The following ALG13 variants were observed in gnomAD, a reference collection of about 807,000 sequenced individuals.
ALG13 encodes the protein UDP-N-acetylglucosamine transferase subunit ALG13.
ALG13 carries 11 observed loss-of-function variants against 87.8 expected under a neutral mutation model. The observed-to-expected ratio is 0.13, with a 90% CI of 0.08 to 0.21. The LOEUF is 0.21. Among genes scored for constraint, ALG13 ranks in the 10% least tolerant of loss-of-function variants. ALG13 has a pLI of 1.00. For missense variants in ALG13, 756 were observed against 866.1 expected (o/e 0.87, Z 1.60); for synonymous variants, 320 against 306.3 (o/e 1.04, Z -0.47).
chrX:111,725,763 A>C lies in ALG13; in HGVS notation c.1729+702A>C, dbSNP rs184741313. On this transcript the variant is annotated intron_variant, in intron 15 of 26. Transcript: ENST00000394780. ...ACACCTATAAAAATTAATTTAAAAA[A>C]CTTAAGCTGACATGGATCTTAACCT... is the stretch of plus-strand genomic sequence containing the variant. 3.6e-4 allele frequency among the ~76,000 whole-genome samples: 40 copies of C among 112,021 alleles called. No individual in the cohort carries two copies. In the Admixed American group the frequency reaches 3.8e-3, roughly 11 times the overall value.
chrX:111,736,283 A>G (rs943933803), intron 22 of ALG13, among the ~76,000 whole-genome samples: 2 of 111,704 alleles, frequency 1.8e-5, no homozygotes, highest in African/African-American at 6.5e-5. Flanking sequence ...AGCCTGGGCG[A>G]TGGGAGTGAG....
At chrX:111,700,216 T>C (rs1047165070) in intron 3 of ALG13, among the ~76,000 whole-genome samples, 1 of 111,437 alleles carries the variant, frequency 9.0e-6, no homozygotes, top group African/African-American at 3.3e-5. Flanking sequence ...ATTTTTTATA[T>C]GTTGATTTTG....
Position 111,690,361 on chromosome X carries a change from G to A in ALG13, c.383+5258G>A, listed in dbSNP as rs981481298. 1.5e-5 allele frequency: 11 copies of A among 751,085 alleles called. No homozygotes were observed. The African/African-American group carries it at 2.3e-4, about 16-fold the overall frequency. 61.9% of individuals were successfully genotyped at this position (751,085 alleles called of 1,213,427 possible). On this transcript the variant is annotated intron_variant, in intron 3 of 26. Coordinates refer to ENST00000394780, the MANE Select transcript of ALG13 (RefSeq NM_001099922.3). ...AATTTGCACCATGGATAGATTAAGA[G>A]GTAGACAGTTAATAGAACATTTACG...
At chrX:111,706,538 C>G (rs1938795409) in intron 3 of ALG13, 1 of 111,569 alleles carries the variant, frequency 9.0e-6, no homozygotes, top group Non-Finnish European at 1.9e-5. Flanking sequence ...GGGAGGATAG[C>G]TTTAACCCAG....
chrX:111,756,505 G>A (rs896736497), intron 25 of ALG13, among the ~76,000 whole-genome samples: 1 of 112,031 alleles, frequency 8.9e-6, no homozygotes, highest in African/African-American at 3.2e-5. Context: ...AGTTGTAGAG[G>A]CAGGTGGGTA....
intron 3 of ALG13, among the ~76,000 whole-genome samples, chrX:111,698,444 A>G (rs922003754): frequency 1.2e-4 from 13 of 111,229 alleles, no homozygotes; most frequent in Non-Finnish European, 2.5e-4. Flanking sequence ...TGCTGTACAA[A>G]AGATCCCAGA....
In ALG13 at chrX:111,685,556, T is replaced by C. The variant is rs377098325; in HGVS notation, c.383+453T>C. 3.6e-5 allele frequency among the ~76,000 whole-genome samples: 4 copies of C among 112,436 alleles called. No individual in the cohort carries two copies. In the East Asian group the frequency reaches 8.4e-4, roughly 24 times the overall value. ...CACCCAATATATAAAAGGCACTGTT[T>C]TAGGTGCTGTGGATACAGTAGTAAA... On this transcript the variant is annotated intron_variant, in intron 3 of 26. Coordinates refer to ENST00000394780, the MANE Select transcript of ALG13 (RefSeq NM_001099922.3).
At position 111,727,037 on chromosome X, in the gene ALG13, G is replaced by A. The variant is rs779911093; in HGVS notation, c.1958G>A (p.Arg653Gln). 13 of 1,209,180 alleles carry A rather than the reference G, an allele frequency of 1.1e-5. No individual in the cohort carries two copies. Among genetic ancestry groups the A allele is most frequent in the African/African-American group, 1.8e-5 (1 of 56,996 alleles). The change falls in exon 16 of 27, where the codon CGG becomes CAG. Residue 653 changes from arginine to glutamine, a missense_variant. Arg to Gln is a conservative substitution (Grantham distance 43, BLOSUM62 1). This residue lies in a region of ALG13 where 362 missense variants were observed against 383.5 expected (regional missense o/e 0.94). Coordinates refer to ENST00000394780, the MANE Select transcript of ALG13 (RefSeq NM_001099922.3). The part of the protein sequence containing the change: ...HPQHPSPRQG[R>Q]GYGMPRNSSR... ...CAGCATCCATCTCCGAGACAAGGTC[G>A]GGGATATGGGATGCCCAGGTAAGAC...
chrX:111,729,952 C>T (rs1420161736), intron 19 of ALG13, among the ~76,000 whole-genome samples: 2 of 112,167 alleles, frequency 1.8e-5, no homozygotes, highest in Non-Finnish European at 3.8e-5. Flanking sequence ...TTCCATTAAC[C>T]ATCCTCAAAA....
At chrX:111,688,886 A>G in intron 3 of ALG13, 1 of 752,368 alleles carries the variant, frequency 1.3e-6, no homozygotes, top group Non-Finnish European at 1.6e-6. Flanking sequence ...AGACCTTTAC[A>G]GTAGATTATC....
Position 111,718,057 on chromosome X carries a change from A to G in ALG13, c.1088-55A>G, listed in dbSNP as rs140598403. ...CACGCAGGATTATGACTATTTTCAC[A>G]TAGTTAATATAAATCTTATTTTGAC... is the stretch of plus-strand genomic sequence containing the variant. On this transcript the variant is annotated intron_variant, in intron 9 of 26. Transcript: ENST00000394780. 6.7e-4 allele frequency: 743 copies of G among 1,105,142 alleles called. 5 individuals carry two copies. The African/African-American group carries it at 0.012, about 18-fold the overall frequency. 91.1% of individuals were successfully genotyped at this position (1,105,142 alleles called of 1,213,427 possible).
At chrX:111,683,326 A>ATT (rs763991466) in intron 2 of ALG13, among the ~76,000 whole-genome samples, 80 of 63,542 alleles carry the variant, frequency 1.3e-3, no homozygotes, top group African/African-American at 4.4e-3. Context: ...CTTTCTTTCT[A>ATT]TTTTTTTTTT....
chrX:111,689,330 C>A, intron 3 of ALG13: 18 of 753,547 alleles, frequency 2.4e-5, no homozygotes, highest in Non-Finnish European at 2.8e-5. Context: ...ATACGTTTTT[C>A]TCATTTGAGA....
intron 8 of ALG13, among the ~76,000 whole-genome samples, chrX:111,715,979 AAAATT>A (rs1407337362): frequency 1.8e-5 from 2 of 111,689 alleles, no homozygotes; most frequent in Admixed American, 9.5e-5. Flanking sequence ...AAAAGAAAAT[AAAATT>A]AAGTCTTGAA....
chrX:111,760,177 T>G lies in ALG13; in HGVS notation c.*178T>G. ...ACTTTAAAATTAAGGGGTATTATTTTGGGCTGTGACTAAGGAAATTGAGAT... is the reference window on the plus strand; with the variant it reads ...ACTTTAAAATTAAGGGGTATTATTTGGGGCTGTGACTAAGGAAATTGAGAT... On this transcript the variant is annotated 3_prime_UTR_variant, in exon 27 of 27. Transcript: ENST00000394780. 1 of 537,171 alleles carries G rather than the reference T, an allele frequency of 1.9e-6. No homozygotes were observed. The highest frequency in any genetic ancestry group is 3.8e-5 in the East Asian group (1 of 26,466). 44.3% of individuals were successfully genotyped at this position (537,171 alleles called of 1,213,427 possible).
chrX:111,682,777 A>C (rs959644788), intron 2 of ALG13, among the ~76,000 whole-genome samples: 4 of 111,911 alleles, frequency 3.6e-5, no homozygotes, highest in Non-Finnish European at 7.5e-5. Context: ...GATTGGTTGG[A>C]TTGGTCATGG....
chrX:111,757,876 A>C, intron 26 of ALG13, 114 bp downstream of exon 26: 2 of 728,264 alleles, frequency 2.7e-6, no homozygotes, highest in Non-Finnish European at 4.0e-6. Context: ...GTGATTCTCA[A>C]AGCATGATAT....
At position 111,735,080 on chromosome X, in the gene ALG13, G is replaced by A; in HGVS notation, c.2487G>A (p.Met829Ile). The A allele has an allele frequency of 1.7e-6, 2 of 1,193,841 alleles. No homozygotes were observed. The highest frequency in any genetic ancestry group is 2.3e-6 in the Non-Finnish European group (2 of 881,246). Reference protein sequence around the residue: ...LSLQDRKSCSMSPQDTVTSYN... With the variant: ...LSLQDRKSCSISPQDTVTSYN... Reference sequence around the variant, plus strand: ...TTCAGGACAGAAAGTCATGTTCTATGTCTCCTCAGGACACAGTTACCTCAT... The same window carrying A: ...TTCAGGACAGAAAGTCATGTTCTATATCTCCTCAGGACACAGTTACCTCAT... Residue 829 changes from methionine to isoleucine, a missense_variant, in exon 22 of 27, where the codon ATG (methionine) becomes ATA (isoleucine). By Grantham distance (10) the Met-to-Ile change is conservative. Coordinates refer to ENST00000394780, the MANE Select transcript of ALG13 (RefSeq NM_001099922.3).
chrX:111,685,355 GTTTA>G (rs1158054327), intron 3 of ALG13: 4 of 255,947 alleles, frequency 1.6e-5, no homozygotes, highest in South Asian at 2.5e-4. Context: ...GTGTATGTGT[GTTTA>G]TTTAGGCGTG....
Sources: gnomAD v4.1 joint callset for allele counts (sites outside exome capture counted in the v4.1 genomes callset) on GRCh38, gnomAD v4.1.1 for gene constraint, gnomAD v4.1.1 regional missense constraint, MANE v1.5 for transcripts, NCBI Gene and HGNC (gene_info 2026-07-23, HGNC 2026-07-21) for gene names.